The following ACER3 variants were observed in gnomAD, a reference collection of about 807,000 sequenced individuals.
ACER3 encodes the protein alkaline ceramidase 3, also known as alkCDase 3.
Under a neutral mutation model 48.9 loss-of-function variants are expected in ACER3, and 16 were observed. That is an observed-to-expected ratio of 0.33 (90% CI 0.22 to 0.50). ACER3 has a LOEUF of 0.50. Among genes scored for constraint, ACER3 ranks in the 20% least tolerant of loss-of-function variants. The pLI, the probability that ACER3 is intolerant of heterozygous loss-of-function variation, is 0.98. For missense variants in ACER3, 227 were observed against 326.0 expected (o/e 0.70, Z 2.34); for synonymous variants, 109 against 107.8 (o/e 1.01, Z -0.07).
chr11:76,946,812 G>A (rs748038411), intron 2 of ACER3, among the ~76,000 whole-genome samples: 26 of 152,200 alleles, frequency 1.7e-4, no homozygotes, highest in African/African-American at 4.3e-4. Flanking sequence ...GGGATTTCAC[G>A]TTGATTCCCT....
Position 77,016,749 on chromosome 11 carries a change from G to T in ACER3, c.674G>T (p.Gly225Val). 6.3e-7 allele frequency: 1 copy of T among 1,598,214 alleles called. No individual in the cohort carries two copies. The highest frequency in any genetic ancestry group is 8.5e-7 in the Non-Finnish European group (1 of 1,170,340). Residue 225 changes from glycine to valine, a missense_variant, in exon 9 of 11, where the codon GGC becomes GTC. By Grantham distance (109) the Gly-to-Val change is moderately radical. Around this residue, in one of 3 missense-constraint regions of ACER3, gnomAD observed 195 missense variants for 290.8 expected, o/e 0.67. Coordinates refer to ENST00000532485, the MANE Select transcript of ACER3 (RefSeq NM_018367.7). The stretch of plus-strand genomic sequence containing the variant: ...CATGCATGGTGGCATATTTTAACTG[G>T]CCTTGGTTCCTATCTTCACATCCTT... ...QFHAWWHILT[G>V]LGSYLHILFS...
chr11:76,875,462 T>G (rs1945349039), intron 1 of ACER3, among the ~76,000 whole-genome samples: 1 of 152,120 alleles, frequency 6.6e-6, no homozygotes, highest in Non-Finnish European at 1.5e-5. Context: ...ACAACAAAGT[T>G]GGAAGAATTC....
intron 1 of ACER3, among the ~76,000 whole-genome samples, chr11:76,888,003 A>C (rs1380521424): frequency 6.6e-6 from 1 of 151,786 alleles, no homozygotes; most frequent in Non-Finnish European, 1.5e-5. Flanking sequence ...TCTTCTGTAG[A>C]GATGGGGTTT....
At chr11:76,927,740 G>A (rs1946870120) in intron 2 of ACER3, among the ~76,000 whole-genome samples, 2 of 152,022 alleles carry the variant, frequency 1.3e-5, no homozygotes, top group South Asian at 2.1e-4. Flanking sequence ...ATAGTTTGCT[G>A]AGAATGATGG....
intron 1 of ACER3, among the ~76,000 whole-genome samples, chr11:76,865,839 C>T (rs1945070874): frequency 7.2e-6 from 1 of 138,562 alleles, no homozygotes; most frequent in Non-Finnish European, 1.5e-5. Context: ...TTTTTTGAGA[C>T]GAAGTCTCAT....
intron 2 of ACER3, among the ~76,000 whole-genome samples, chr11:76,934,471 T>C (rs1947116058): frequency 6.6e-6 from 1 of 152,230 alleles, no homozygotes; most frequent in Non-Finnish European, 1.5e-5. Flanking sequence ...GGATCACTTG[T>C]GGCTAGGAGC....
At chr11:76,976,251 T>C in intron 3 of ACER3, 38 bp from the exon 4 acceptor site, 1 of 1,454,828 alleles carries the variant, frequency 6.9e-7, no homozygotes, top group Non-Finnish European at 9.6e-7. Context: ...TGCTGCTCCA[T>C]GATATTCAAG....
intron 3 of ACER3, among the ~76,000 whole-genome samples, chr11:76,963,002 G>GATAGATAGA (rs1948036635): frequency 6.6e-6 from 1 of 151,394 alleles, no homozygotes; most frequent in Non-Finnish European, 1.5e-5. Flanking sequence ...AGATAGAGCA[G>GATAGATAGA]CTTGGAGAAA....
chr11:76,966,992 C>A (rs1421779010), intron 3 of ACER3, among the ~76,000 whole-genome samples: 3 of 152,052 alleles, frequency 2.0e-5, no homozygotes, highest in Non-Finnish European at 4.4e-5. Flanking sequence ...ACACAAAAAA[C>A]CCTTCAAAAA....
intron 7 of ACER3, among the ~76,000 whole-genome samples, chr11:77,011,122 A>G (rs1330575313): frequency 1.3e-5 from 2 of 152,218 alleles, no homozygotes; most frequent in Non-Finnish European, 2.9e-5. Flanking sequence ...TGTATGCTAG[A>G]CAGGCAGGCA....
At chr11:77,014,059 T>C (rs1207791292) in intron 7 of ACER3, among the ~76,000 whole-genome samples, 1 of 152,238 alleles carries the variant, frequency 6.6e-6, no homozygotes, top group Non-Finnish European at 1.5e-5. Context: ...TGGTGGTGGT[T>C]TCATGGGTAT....
At chr11:76,996,036 C>G (rs1387356779) in intron 6 of ACER3, among the ~76,000 whole-genome samples, 1 of 152,116 alleles carries the variant, frequency 6.6e-6, no homozygotes, top group East Asian at 1.9e-4. Flanking sequence ...CACTACTTTT[C>G]TCCCTAGTCT....
intron 2 of ACER3, among the ~76,000 whole-genome samples, chr11:76,944,087 A>G (rs1049379644): frequency 6.6e-6 from 1 of 151,934 alleles, no homozygotes; most frequent in Non-Finnish European, 1.5e-5. Context: ...ATATAGCTGG[A>G]TCATGCTTTC....
intron 1 of ACER3, among the ~76,000 whole-genome samples, chr11:76,915,135 T>A (rs998599245): frequency 2.0e-5 from 3 of 151,664 alleles, no homozygotes; most frequent in African/African-American, 7.3e-5. Context: ...CATGTATACA[T>A]ATGTAACAAA....
intron 2 of ACER3, among the ~76,000 whole-genome samples, chr11:76,933,004 C>T (rs936649463): frequency 6.6e-6 from 1 of 151,916 alleles, no homozygotes; most frequent in Non-Finnish European, 1.5e-5. Context: ...TTTGGAAAGG[C>T]ATCACTTCTG....
intron 7 of ACER3, among the ~76,000 whole-genome samples, chr11:77,000,514 A>T (rs1479751179): frequency 6.6e-6 from 1 of 151,780 alleles, no homozygotes; most frequent in Non-Finnish European, 1.5e-5. Context: ...ATTTGTTCTT[A>T]TTTTTTTTCT....
At chr11:76,872,882 T>TTTTC (rs1258712240) in intron 1 of ACER3, among the ~76,000 whole-genome samples, 2 of 150,864 alleles carry the variant, frequency 1.3e-5, no homozygotes, top group Admixed American at 1.3e-4. Flanking sequence ...TTTCTTTTTC[T>TTTTC]TTTCTTTCTT....
chr11:76,892,141 C>T (rs1347763194), intron 1 of ACER3, among the ~76,000 whole-genome samples: 1 of 152,068 alleles, frequency 6.6e-6, no homozygotes, highest in African/African-American at 2.4e-5. Context: ...TTCTTAACCT[C>T]GTTGGGCCTC....
At chr11:76,934,637 A>G (rs945320202) in intron 2 of ACER3, among the ~76,000 whole-genome samples, 2 of 125,964 alleles carry the variant, frequency 1.6e-5, no homozygotes, top group Admixed American at 1.6e-4. Context: ...TGGCAGCAGT[A>G]CAGTCCAGCT....
Sources: allele counts gnomAD v4.1 joint callset (sites outside exome capture counted in the v4.1 genomes callset), GRCh38; gene constraint gnomAD v4.1.1; regional missense constraint gnomAD v4.1.1; transcripts MANE v1.5; gene names NCBI Gene and HGNC (gene_info 2026-07-23, HGNC 2026-07-21).